STPG1: variants seen among roughly 807,000 people sequenced by gnomAD.
The protein encoded by STPG1 is sperm tail PG-rich repeat containing 1, also known as O(6)-methylguanine-induced apoptosis 2.
A neutral mutation model predicts 40.1 loss-of-function variants in STPG1; 33 were observed. That is an observed-to-expected ratio of 0.82 (90% CI 0.62 to 1.10). The LOEUF is 1.10. STPG1 is among the 50% of genes least tolerant of loss of function. The pLI, the probability that STPG1 is intolerant of heterozygous loss-of-function variation, is 0.00. For synonymous variants in STPG1, 150 were observed against 155.0 expected (o/e 0.97, Z 0.24); for missense variants, 396 against 415.1 (o/e 0.95, Z 0.40).
intron 7 of STPG1, chr1:24,369,106 C>G (rs923844055): frequency 3.1e-5 from 10 of 318,526 alleles, no homozygotes; most frequent in South Asian, 2.4e-4. Context: ...GAACTCTGCC[C>G]AAGGTCACAG....
chr1:24,397,747 A>G (rs535634230), intron 2 of STPG1, among the ~76,000 whole-genome samples: 4 of 151,866 alleles, frequency 2.6e-5, no homozygotes, highest in Non-Finnish European at 5.9e-5. Flanking sequence ...CAGCATAATT[A>G]CTATGAGATT....
At chr1:24,360,630 T>A (rs540570197) in intron 8 of STPG1, among the ~76,000 whole-genome samples, 28 of 152,230 alleles carry the variant, frequency 1.8e-4, no homozygotes, top group Non-Finnish European at 3.8e-4. Context: ...TGGTCCTCAG[T>A]ATGAATCCCT....
intron 3 of STPG1, among the ~76,000 whole-genome samples, chr1:24,389,382 C>T (rs377744203): frequency 8.5e-5 from 13 of 152,116 alleles, no homozygotes; most frequent in Admixed American, 2.0e-4. Context: ...TACAGCTTTG[C>T]GGGCCACAAA....
chr1:24,393,118 AG>A (rs1445634211), intron 2 of STPG1, among the ~76,000 whole-genome samples: 1 of 152,224 alleles, frequency 6.6e-6, no homozygotes, highest in African/African-American at 2.4e-5. Flanking sequence ...TAAGCGGAAC[AG>A]GTAGGGTGTG....
Position 24,361,023 on chromosome 1 carries a change from G to C in STPG1, c.756C>G (p.Asn252Lys), listed in dbSNP as rs777707045. 1 of 1,609,734 alleles carries C rather than the reference G, an allele frequency of 6.2e-7. No individual in the cohort carries two copies. Among genetic ancestry groups the C allele is most frequent in the East Asian group, 2.2e-5 (1 of 44,758 alleles). The change falls in exon 8 of 9, where the codon AAC (asparagine) becomes AAG (lysine). Residue 252 changes from asparagine to lysine, a missense_variant. Physicochemically the swap from Asn to Lys is moderately conservative, Grantham distance 94 (BLOSUM62 0). Transcript: ENST00000337248. Reference protein sequence around the residue: ...KTLFPKNPILNFSAQPSPLPP... With the variant: ...KTLFPKNPILKFSAQPSPLPP... ...GCAGAGGCGAAGGCTGAGCAGAGAA[G>C]TTCAGGATGGGGTTTTTCCTTTGGG... is the stretch of plus-strand genomic sequence containing the variant.
At chr1:24,390,313 T>C (rs2148704404) in intron 3 of STPG1, among the ~76,000 whole-genome samples, 2 of 152,156 alleles carry the variant, frequency 1.3e-5, no homozygotes, top group South Asian at 4.1e-4. Context: ...TAAGGACCGG[T>C]CAGGAACCAC....
chr1:24,380,839 C>T (rs182541920), intron 4 of STPG1, among the ~76,000 whole-genome samples: 1 of 152,304 alleles, frequency 6.6e-6, no homozygotes, highest in East Asian at 1.9e-4. Context: ...TTAACTCCAA[C>T]GCTGATCTGT....
chr1:24,392,689 T>C (rs992602746), intron 2 of STPG1, among the ~76,000 whole-genome samples: 6 of 152,188 alleles, frequency 3.9e-5, no homozygotes, highest in African/African-American at 1.4e-4. Flanking sequence ...GATAAGCCTT[T>C]TCCTACACTC....
At chr1:24,391,818 G>A (rs1481942378) in intron 2 of STPG1, 139 bp from the exon 3 acceptor site, 12 of 1,230,272 alleles carry the variant, frequency 9.8e-6, no homozygotes, top group Non-Finnish European at 1.2e-5. Context: ...AAACAGACAC[G>A]AAACCGGATT....
chr1:24,382,330 G>A (rs1642322739), intron 4 of STPG1, among the ~76,000 whole-genome samples: 1 of 152,206 alleles, frequency 6.6e-6, no homozygotes. Flanking sequence ...AGTATTGTTT[G>A]TGACTCAGGT....
chr1:24,358,134 G>GA lies in STPG1; in HGVS notation c.*408dup. ...TGAATGTGTAAATGAATGAAGGAAT[G>GA]AAACAGGGAAGGGTGGGGCTTCCAG... On this transcript the variant is annotated 3_prime_UTR_variant, in exon 9 of 9. Transcript: ENST00000337248. The GA allele has an allele frequency of 2.2e-6, 1 of 452,146 alleles. No individual in the cohort carries two copies. The highest frequency in any genetic ancestry group is 4.4e-6 in the Non-Finnish European group (1 of 226,764). The allele number at this position is 452,146 out of a possible 1,614,324, so 28.0% of individuals were successfully genotyped here. A position where few individuals can be genotyped will look rare whatever the true frequency, so the allele number is the denominator to read the frequency against.
At chr1:24,395,582 G>A (rs565608196) in intron 2 of STPG1, among the ~76,000 whole-genome samples, 12 of 151,586 alleles carry the variant, frequency 7.9e-5, no homozygotes, top group Non-Finnish European at 1.3e-4. Flanking sequence ...ACAGGCGCCC[G>A]CCACCGCGCC....
At chr1:24,386,348 C>A (rs1460300737) in intron 3 of STPG1, among the ~76,000 whole-genome samples, 1 of 152,206 alleles carries the variant, frequency 6.6e-6, no homozygotes, top group Admixed American at 6.5e-5. Context: ...TACCACTTAG[C>A]CTGGAGGAAT....
At position 24,376,565 on chromosome 1, in the gene STPG1, G is replaced by C. The variant is rs1276367801; in HGVS notation, c.463-2755C>G. On this transcript the variant is annotated intron_variant, in intron 5 of 8. Transcript: ENST00000337248. ...ATTAACAGCTGCATACTACTGGAAA[G>C]TTATTCCTTTGATGTCATAAACATT... Among the ~76,000 whole-genome samples the C allele has an allele frequency of 1.3e-5, 2 of 152,232 alleles. 1 individual carries two copies. Among genetic ancestry groups the C allele is most frequent in the East Asian group, 3.8e-4 (2 of 5,206 alleles).
intron 2 of STPG1, among the ~76,000 whole-genome samples, chr1:24,395,657 C>A (rs1259085322): frequency 2.0e-5 from 3 of 152,120 alleles, no homozygotes; most frequent in Non-Finnish European, 2.9e-5. Context: ...TGGTCTCGAT[C>A]TCCTGACCTC....
intron 1 of STPG1, among the ~76,000 whole-genome samples, chr1:24,408,932 C>T (rs897214307): frequency 6.6e-6 from 1 of 152,216 alleles, no homozygotes; most frequent in South Asian, 2.1e-4. Flanking sequence ...GGTGGACAAT[C>T]TATACTAAAA....
At chr1:24,375,988 A>G (rs1213202715) in intron 5 of STPG1, among the ~76,000 whole-genome samples, 2 of 152,208 alleles carry the variant, frequency 1.3e-5, no homozygotes, top group Non-Finnish European at 2.9e-5. Context: ...GTGGAGGGAC[A>G]GAGGTAGGAG....
intron 7 of STPG1, among the ~76,000 whole-genome samples, chr1:24,367,142 A>G (rs1459120935): frequency 1.3e-5 from 2 of 152,178 alleles, no homozygotes; most frequent in Non-Finnish European, 2.9e-5. Flanking sequence ...ATTTTGCTGC[A>G]GGCTCCTCCA....
Position 24,388,839 on chromosome 1 carries a change from T to C in STPG1, c.189+2722A>G, listed in dbSNP as rs1175539079. On this transcript the variant is annotated intron_variant, in intron 3 of 8. Transcript: ENST00000337248. ...AACATAGAATAGGAATTTGTTTTTC[T>C]GTTTTTATAACTTGAGGAGACCACA... Among the ~76,000 whole-genome samples, 7 of 152,390 alleles carry C rather than the reference T, an allele frequency of 4.6e-5. No homozygotes were observed. The East Asian group carries it at 1.3e-3, about 29-fold the overall frequency.
Sources: gnomAD v4.1 joint callset for allele counts (sites outside exome capture counted in the v4.1 genomes callset) on GRCh38, gnomAD v4.1.1 for gene constraint, MANE v1.5 for transcripts, NCBI Gene and HGNC (gene_info 2026-07-23, HGNC 2026-07-21) for gene names.